Variants in C8orf34 observed in about 807,000 individuals in gnomAD.
C8orf34 encodes the protein uncharacterized protein C8orf34.
A neutral mutation model predicts 68.3 loss-of-function variants in C8orf34; 65 were observed. The observed-to-expected ratio is 0.95, with a 90% CI of 0.78 to 1.17. The LOEUF is 1.17. C8orf34 is among the 50% of genes most tolerant of loss of function. The pLI is 0.00. For missense variants in C8orf34, 664 were observed against 655.4 expected, an observed-to-expected ratio of 1.01 and a Z score of -0.14; for synonymous variants, 244 against 241.2, an observed-to-expected ratio of 1.01 and a Z score of -0.11.
At chr8:68,557,417 A>T in intron 7 of C8orf34, among the ~76,000 whole-genome samples, 1 of 152,226 alleles carries the variant, frequency 6.6e-6, no homozygotes, top group Non-Finnish European at 1.5e-5. Flanking sequence ...AACTCTTACA[A>T]ATTGCTTCCT....
At chr8:68,781,792 A>C (rs1823686494) in intron 11 of C8orf34, among the ~76,000 whole-genome samples, 1 of 152,310 alleles carries the variant, frequency 6.6e-6, no homozygotes, top group African/African-American at 2.4e-5. Context: ...TATGATTACA[A>C]TAATTCAACA....
At chr8:68,374,060 C>T (rs1586010017) in intron 1 of C8orf34, among the ~76,000 whole-genome samples, 1 of 152,148 alleles carries the variant, frequency 6.6e-6, no homozygotes, top group African/African-American at 2.4e-5. Flanking sequence ...GTACTACAGG[C>T]GTGCACCATC....
intron 8 of C8orf34, among the ~76,000 whole-genome samples, chr8:68,684,753 G>T (rs1820462847): frequency 6.6e-6 from 1 of 151,078 alleles, no homozygotes; most frequent in South Asian, 2.1e-4. Flanking sequence ...CTTTCTGGAA[G>T]AATTTTAGAA....
Position 68,721,436 on chromosome 8 carries a change from C to T in C8orf34, c.1403C>T (p.Pro468Leu), listed in dbSNP as rs1206976780. Residue 468 changes from proline to leucine, a missense_variant and splice_region_variant, in exon 10 of 14, where the codon CCT becomes CTT. Transcript: ENST00000518698. The stretch of plus-strand genomic sequence containing the variant: ...GAGAAAGCATCTAAACTAACAGGAC[C>T]TGTAAGTATATTCATTGACTTATTT... ...EFEKASKLTG[P>L]GEASSGVGHS... 1 of 1,595,612 alleles carries T rather than the reference C, an allele frequency of 6.3e-7. No homozygotes were observed. The highest frequency in any genetic ancestry group is 1.1e-5 in the South Asian group (1 of 89,406).
At chr8:68,390,934 G>T (rs1808456170) in intron 1 of C8orf34, among the ~76,000 whole-genome samples, 1 of 152,094 alleles carries the variant, frequency 6.6e-6, no homozygotes, top group African/African-American at 2.4e-5. Flanking sequence ...CTCAGTTTTT[G>T]CTTTTAAGGC....
At chr8:68,764,498 G>A (rs919092332) in intron 10 of C8orf34, among the ~76,000 whole-genome samples, 3 of 152,188 alleles carry the variant, frequency 2.0e-5, no homozygotes, top group South Asian at 2.1e-4. Context: ...ATAGCAGAGT[G>A]GGGTGAAGAC....
intron 1 of C8orf34, among the ~76,000 whole-genome samples, chr8:68,355,970 T>G (rs776933374): frequency 2.0e-5 from 3 of 152,182 alleles, no homozygotes; most frequent in East Asian, 3.9e-4. Flanking sequence ...AATCATCTTG[T>G]TGGATGTATT....
intron 8 of C8orf34, among the ~76,000 whole-genome samples, chr8:68,694,644 A>C (rs1165780646): frequency 6.6e-6 from 1 of 152,088 alleles, no homozygotes; most frequent in Non-Finnish European, 1.5e-5. Flanking sequence ...CTATTGTCAT[A>C]AATGAGATAT....
In C8orf34 at chr8:68,710,811, G is replaced by C. The variant is rs956132845; in HGVS notation, c.1327+1732G>C. Among the ~76,000 whole-genome samples, 3 of 152,116 alleles carry C rather than the reference G, an allele frequency of 2.0e-5. No individual in the cohort carries two copies. The South Asian group carries it at 6.2e-4, about 32-fold the overall frequency. The stretch of plus-strand genomic sequence containing the variant: ...CCTAGGGCAAGTTTGCATCCTCATA[G>C]GGCCAATGAGCTCTTGAAAGCACTA... On this transcript the variant is annotated intron_variant, in intron 9 of 13. Coordinates refer to ENST00000518698, the MANE Select transcript of C8orf34 (RefSeq NM_052958.4).
chr8:68,364,822 C>A (rs561244437), intron 1 of C8orf34, among the ~76,000 whole-genome samples: 1 of 151,186 alleles, frequency 6.6e-6, no homozygotes, highest in East Asian at 2.0e-4. Context: ...ACCCTAACAT[C>A]ACAATTAAAA....
chr8:68,496,100 G>A (rs1163876380), intron 5 of C8orf34, among the ~76,000 whole-genome samples: 4 of 152,116 alleles, frequency 2.6e-5, no homozygotes, highest in South Asian at 2.1e-4. Context: ...ACAGAATAAT[G>A]TCTTAAAAAG....
intron 1 of C8orf34, among the ~76,000 whole-genome samples, chr8:68,434,851 C>A (rs188542492): frequency 6.6e-6 from 1 of 152,072 alleles, no homozygotes; most frequent in Admixed American, 6.6e-5. Flanking sequence ...TCAAGACCAG[C>A]CTGACCAACA....
intron 10 of C8orf34, among the ~76,000 whole-genome samples, chr8:68,754,935 T>C (rs1265575017): frequency 6.6e-6 from 1 of 152,226 alleles, no homozygotes; most frequent in Non-Finnish European, 1.5e-5. Flanking sequence ...CTTTGATTAG[T>C]AAATAGTATA....
At chr8:68,649,589 A>G (rs1227576087) in intron 8 of C8orf34, among the ~76,000 whole-genome samples, 1 of 152,196 alleles carries the variant, frequency 6.6e-6, no homozygotes, top group East Asian at 1.9e-4. Context: ...AGAATAACAA[A>G]TGCCAGCCAG....
intron 7 of C8orf34, among the ~76,000 whole-genome samples, chr8:68,616,006 G>T (rs966820331): frequency 6.6e-6 from 1 of 150,902 alleles, no homozygotes; most frequent in Non-Finnish European, 1.5e-5. Context: ...ACTTCTTCCT[G>T]GTTTAGTCTT....
At chr8:68,766,672 C>A (rs192047855) in intron 10 of C8orf34, among the ~76,000 whole-genome samples, 5 of 152,134 alleles carry the variant, frequency 3.3e-5, no homozygotes, top group African/African-American at 1.2e-4. Flanking sequence ...ATATAGCCAA[C>A]AACAAATGGA....
intron 11 of C8orf34, among the ~76,000 whole-genome samples, chr8:68,779,732 A>G (rs913639079): frequency 6.6e-6 from 1 of 152,136 alleles, no homozygotes; most frequent in Non-Finnish European, 1.5e-5. Flanking sequence ...ATTATTCCCT[A>G]TAATCAATAA....
intron 12 of C8orf34, among the ~76,000 whole-genome samples, chr8:68,811,283 G>A (rs1336941331): frequency 1.3e-5 from 2 of 152,210 alleles, no homozygotes; most frequent in South Asian, 2.1e-4. Context: ...CTCCGAGGTC[G>A]GAGTGGGCAT....
chr8:68,720,063 AT>A (rs373366922), intron 9 of C8orf34, among the ~76,000 whole-genome samples: 45 of 152,064 alleles, frequency 3.0e-4, no homozygotes, highest in African/African-American at 1.0e-3. Context: ...ATAGTTTTGC[AT>A]TTGGTATAAT....
Sources: allele counts gnomAD v4.1 joint callset (sites outside exome capture counted in the v4.1 genomes callset), GRCh38; gene constraint gnomAD v4.1.1; transcripts MANE v1.5; gene names NCBI Gene and HGNC (gene_info 2026-07-23, HGNC 2026-07-21).